The following NFIB variants were observed in gnomAD, a reference collection of about 807,000 sequenced individuals.
The protein encoded by NFIB is nuclear factor I B, also known as nuclear factor 1 B-type.
In NFIB, 11 loss-of-function variants were observed where a neutral mutation model predicts 61.5. The observed-to-expected ratio is 0.18, with a 90% CI of 0.11 to 0.30. The LOEUF is 0.30. Among genes scored for constraint, NFIB ranks in the 10% least tolerant of loss-of-function variants. The pLI, the probability that NFIB is intolerant of heterozygous loss-of-function variation, is 1.00. For missense variants in NFIB, 471 were observed against 608.9 expected, an observed-to-expected ratio of 0.77 and a Z score of 2.38; for synonymous variants, 260 against 216.5, an observed-to-expected ratio of 1.20 and a Z score of -1.76.
chr9:14,523,425 T>C, the NFIB span, among the ~76,000 whole-genome samples: 3 of 152,076 alleles, frequency 2.0e-5, no homozygotes, highest in Admixed American at 2.0e-4. Context: ...AGTCTACCCA[T>C]TCTACTTGAG....
chr9:14,427,945 T>TTTTTTTTTTTTTTTTTTTTTG, the NFIB span, among the ~76,000 whole-genome samples: 1 of 94,498 alleles, frequency 1.1e-5, no homozygotes, highest in African/African-American at 4.6e-5. Flanking sequence ...TTGTTTTTTT[T>TTTTTTTTTTTTTTTTTTTTTG]TTTTTTTTTT....
At chr9:14,097,868 C>CTTTTTTTTTTT (rs2035082122) in intron 10 of NFIB, among the ~76,000 whole-genome samples, 1 of 121,002 alleles carries the variant, frequency 8.3e-6, no homozygotes, top group Non-Finnish European at 1.8e-5. Flanking sequence ...TTCTTTCTTT[C>CTTTTTTTTTTT]TTTTTTCTTT....
chr9:14,387,005 T>C (rs2061556942), intron 1 of NFIB, among the ~76,000 whole-genome samples: 1 of 152,210 alleles, frequency 6.6e-6, no homozygotes, highest in African/African-American at 2.4e-5. Flanking sequence ...AAATGTAAAA[T>C]GAAACTGACC....
chr9:14,128,500 C>G (rs967015912), intron 6 of NFIB, among the ~76,000 whole-genome samples: 1 of 152,114 alleles, frequency 6.6e-6, no homozygotes, highest in Non-Finnish European at 1.5e-5. Flanking sequence ...GAGTTCGAGA[C>G]CAGCCTGGCC....
intron 2 of NFIB, among the ~76,000 whole-genome samples, chr9:14,201,401 C>A (rs1280624949): frequency 6.6e-6 from 1 of 152,204 alleles, no homozygotes; most frequent in African/African-American, 2.4e-5. Context: ...TCTTAACAGT[C>A]CTAGAATATG....
intron 2 of NFIB, among the ~76,000 whole-genome samples, chr9:14,226,308 G>A (rs560270695): frequency 2.6e-4 from 40 of 152,186 alleles, no homozygotes; most frequent in African/African-American, 9.4e-4. Flanking sequence ...AGCACTTTGG[G>A]AGGCTGAAGC....
intron 3 of NFIB, among the ~76,000 whole-genome samples, chr9:14,168,065 G>C (rs1281039648): frequency 6.6e-6 from 1 of 152,144 alleles, no homozygotes; most frequent in African/African-American, 2.4e-5. Context: ...TCATGTCTAG[G>C]ATGTGGTATA....
the NFIB span, among the ~76,000 whole-genome samples, chr9:14,517,547 T>C: frequency 5.3e-5 from 8 of 152,154 alleles, no homozygotes; most frequent in African/African-American, 1.9e-4. Flanking sequence ...TGTTACTTGA[T>C]CTACGTCTGT....
chr9:14,289,130 A>C (rs2058918934), intron 2 of NFIB, among the ~76,000 whole-genome samples: 1 of 145,790 alleles, frequency 6.9e-6, no homozygotes. Flanking sequence ...ATGTATATAT[A>C]TATATATATA....
the NFIB span, among the ~76,000 whole-genome samples, chr9:14,405,642 T>C: frequency 3.9e-5 from 6 of 152,150 alleles, no homozygotes; most frequent in African/African-American, 1.2e-4. Flanking sequence ...CAGGCAAGGA[T>C]TGGCTTGTTT....
At chr9:14,110,767 G>A (rs570990229) in intron 10 of NFIB, among the ~76,000 whole-genome samples, 1 of 152,008 alleles carries the variant, frequency 6.6e-6, no homozygotes, top group East Asian at 1.9e-4. Flanking sequence ...AAATGAATAG[G>A]CTTTTGACTC....
At chr9:14,198,884 C>G (rs1274885588) in intron 2 of NFIB, among the ~76,000 whole-genome samples, 1 of 152,246 alleles carries the variant, frequency 6.6e-6, no homozygotes, top group Non-Finnish European at 1.5e-5. Flanking sequence ...TTTTCTCCCT[C>G]TCCCTGCCAT....
chr9:14,133,575 G>A (rs2040656398), intron 6 of NFIB, among the ~76,000 whole-genome samples: 1 of 152,160 alleles, frequency 6.6e-6, no homozygotes, highest in Non-Finnish European at 1.5e-5. Flanking sequence ...AACAGTTTGG[G>A]CTCTGTTCCC....
rs77365026 is a variant in NFIB at position 14,208,323 on chromosome 9, G to T, written c.563-28543C>A. On this transcript the variant is annotated intron_variant, in intron 2 of 10. Coordinates refer to ENST00000380953, the MANE Select transcript of NFIB (RefSeq NM_001190737.2). ...TTTTCTTTCAATTGGCAATCCTTCC[G>T]ACATCAAGGTTAAATTGTACTAAAA... 5.3e-5 allele frequency among the ~76,000 whole-genome samples: 8 copies of T among 152,000 alleles called. No homozygotes were observed. The East Asian group carries it at 1.4e-3, about 26-fold the overall frequency.
chr9:14,231,527 T>C (rs1293057396), intron 2 of NFIB, among the ~76,000 whole-genome samples: 1 of 152,102 alleles, frequency 6.6e-6, no homozygotes, highest in African/African-American at 2.4e-5. Flanking sequence ...TTTGATTGCA[T>C]AGAAAGAAAA....
At chr9:14,165,350 CAATG>C (rs2044665656) in intron 3 of NFIB, among the ~76,000 whole-genome samples, 1 of 152,012 alleles carries the variant, frequency 6.6e-6, no homozygotes, top group Non-Finnish European at 1.5e-5. Context: ...ATGAACCAAC[CAATG>C]AAAGATCAAG....
At chr9:14,288,828 T>A (rs2058883595) in intron 2 of NFIB, among the ~76,000 whole-genome samples, 1 of 152,070 alleles carries the variant, frequency 6.6e-6, no homozygotes, top group East Asian at 1.9e-4. Context: ...TCCTAGCTCC[T>A]TAAAATATTG....
At chr9:14,329,721 C>T (rs2060798219) in intron 1 of NFIB, among the ~76,000 whole-genome samples, 1 of 151,458 alleles carries the variant, frequency 6.6e-6, no homozygotes, top group South Asian at 2.1e-4. Context: ...CACCATATTG[C>T]CCAGGCTGGT....
chr9:14,445,953 A>G, the NFIB span, among the ~76,000 whole-genome samples: 1 of 152,164 alleles, frequency 6.6e-6, no homozygotes, highest in Non-Finnish European at 1.5e-5. Flanking sequence ...ACACTGGCTC[A>G]GATTTTGTGT....
Sources: allele counts gnomAD v4.1 joint callset (sites outside exome capture counted in the v4.1 genomes callset), GRCh38; gene constraint gnomAD v4.1.1; transcripts MANE v1.5; gene names NCBI Gene and HGNC (gene_info 2026-07-23, HGNC 2026-07-21).